Variants in NDST1 observed in about 807,000 individuals in gnomAD.
NDST1 encodes the protein N-deacetylase and N-sulfotransferase 1, also known as bifunctional heparan sulfate N-deacetylase/N-sulfotransferase 1.
In NDST1, 35 loss-of-function variants were observed where a neutral mutation model predicts 92.8. The observed-to-expected ratio is 0.38, with a 90% CI of 0.29 to 0.50. NDST1 has a LOEUF of 0.50. Ranked by LOEUF, NDST1 falls within the 20% of genes least tolerant of loss-of-function variation. The pLI is 0.94. For synonymous variants in NDST1, 493 were observed against 500.3 expected (o/e 0.99, Z 0.19); for missense variants, 822 against 1,182.7 (o/e 0.69, Z 4.47).
At chr5:150,539,076 T>G in intron 6 of NDST1, 152 bp from the exon 7 acceptor site, 1 of 657,316 alleles carries the variant, frequency 1.5e-6, no homozygotes, top group Non-Finnish European at 2.7e-6. Flanking sequence ...GGGAACGCTG[T>G]GCTGTAGGCT....
intron 6 of NDST1, 38 bp from the exon 7 acceptor site, chr5:150,539,190 G>A: frequency 1.3e-6 from 2 of 1,550,236 alleles, no homozygotes; most frequent in Non-Finnish European, 1.8e-6. Flanking sequence ...CCTCATGCCA[G>A]AAGGCACCAT....
Position 150,521,674 on chromosome 5 carries a change from C to T in NDST1, c.420C>T (p.Asn140=), listed in dbSNP as rs757947087. ...RGRFALIIYE[N]ILKYVNLDAW... ...GCTTCGCCCTCATCATCTATGAGAACATCCTCAAGTATGTCAACCTGGACG... is the reference window on the plus strand; with the variant it reads ...GCTTCGCCCTCATCATCTATGAGAATATCCTCAAGTATGTCAACCTGGACG... Residue 140 remains asparagine (N), a synonymous_variant, in exon 2 of 15, where the codon AAC becomes AAT. Coordinates refer to ENST00000261797, the MANE Select transcript of NDST1 (RefSeq NM_001543.5). This position sits in a 1 kb window ranked among gnomAD's most constrained non-coding sequence, Gnocchi z 5.9. 5 of 1,614,122 alleles carry T rather than the reference C, an allele frequency of 3.1e-6. No homozygotes were observed. The South Asian group carries it at 4.4e-5, about 14-fold the overall frequency.
rs189350287 is a variant in NDST1, at chr5:150,548,200, C to T, written c.2146-18C>T. 6.8e-6 allele frequency: 11 copies of T among 1,614,136 alleles called. No individual in the cohort carries two copies. In the African/African-American group the frequency reaches 1.2e-4, roughly 18 times the overall value. On this transcript the variant is annotated intron_variant, in intron 11 of 14. Transcript: ENST00000261797. ...GTGTCCTCCAAGTGGCATGCTGACCCTCTTTCCTTGCCTGCAGCACCAGCG... is the reference window on the plus strand; with the variant it reads ...GTGTCCTCCAAGTGGCATGCTGACCTTCTTTCCTTGCCTGCAGCACCAGCG...
chr5:150,551,656 C>G, intron 13 of NDST1, 97 bp from the exon 14 acceptor site: 1 of 1,474,216 alleles, frequency 6.8e-7, no homozygotes, highest in South Asian at 1.2e-5. Flanking sequence ...AGTAGATTCC[C>G]TGGTCTCTGC....
chr5:150,524,494 G>A (rs992451477), intron 2 of NDST1, among the ~76,000 whole-genome samples: 1 of 152,250 alleles, frequency 6.6e-6, no homozygotes, highest in Admixed American at 6.5e-5. Context: ...CACCCTGGCA[G>A]GGGTCTGGCA....
At chr5:150,512,065 C>T (rs528916635) in intron 1 of NDST1, among the ~76,000 whole-genome samples, 78 of 152,192 alleles carry the variant, frequency 5.1e-4, no homozygotes, top group South Asian at 3.3e-3. Context: ...GCCACTGCTA[C>T]GCCCTCCCCT....
At chr5:150,513,981 C>T (rs2151257289) in intron 1 of NDST1, among the ~76,000 whole-genome samples, 1 of 152,372 alleles carries the variant, frequency 6.6e-6, no homozygotes, top group South Asian at 2.1e-4. Context: ...ATCCTCAGCA[C>T]CTTGGCAGGG....
In NDST1 at chr5:150,535,780, C is replaced by T. The variant is rs369195455; in HGVS notation, c.1332C>T (p.Tyr444=). 113 of 1,614,178 alleles carry T rather than the reference C, an allele frequency of 7.0e-5. No homozygotes were observed. The African/African-American group carries it at 8.9e-4, about 13-fold the overall frequency. ...TGTACCCCGTGCACGTGCAGCTGTA[C>T]GAGGCTTGGAAGCAGGTGTGGAGCA... ...SGVYPVHVQL[Y]EAWKQVWSIR... Residue 444 remains tyrosine, a synonymous_variant, in exon 6 of 15, where the codon TAC becomes TAT. Transcript: ENST00000261797.
In NDST1 at chr5:150,549,656, G is replaced by A. The variant is rs201360742; in HGVS notation, c.2317-22G>A. 4.8e-4 allele frequency: 739 copies of A among 1,524,824 alleles called. 3 individuals are homozygous for A. The highest frequency in any genetic ancestry group is 2.8e-3 in the Admixed American group (165 of 59,610). The allele number at this position is 1,524,824 out of a possible 1,614,324, so 94.5% of individuals were successfully genotyped here. On this transcript the variant is annotated intron_variant, in intron 12 of 14. Transcript: ENST00000261797. ...TGCCACCGAAGTCAAAGCAGGTCCC[G>A]ATCCCCTTTCTCCCTTTCCAGATTC...
At position 150,527,909 on chromosome 5, in the gene NDST1, C is replaced by T; in HGVS notation, c.619C>T (p.Leu207Phe). The change falls in exon 3 of 15, where the codon CTC becomes TTC. Residue 207 changes from leucine (L) to phenylalanine (F), a missense_variant. Transcript: ENST00000261797. ...DCSINPKSPL[L>F]YVTRPSEVEK... is the part of the protein sequence containing the mutation. The stretch of plus-strand genomic sequence containing the variant: ...CAGCATCAACCCCAAGTCCCCGCTG[C>T]TCTACGTGACGCGACCTAGCGAGGT... The T allele has an allele frequency of 6.2e-7, 1 of 1,614,226 alleles. No homozygotes were observed. Among genetic ancestry groups the T allele is most frequent in the Non-Finnish European group, 8.5e-7 (1 of 1,180,038 alleles).
chr5:150,507,137 C>G (rs1419536233), upstream of NDST1, among the ~76,000 whole-genome samples: 1 of 152,222 alleles, frequency 6.6e-6, no homozygotes, highest in Non-Finnish European at 1.5e-5. Flanking sequence ...GCCAAAGCTG[C>G]TAATCCCTGG....
At chr5:150,539,993 T>C (rs1162231503) in intron 7 of NDST1, 89 bp from the exon 8 acceptor site, 30 of 1,516,190 alleles carry the variant, frequency 2.0e-5, no homozygotes, top group Admixed American at 3.5e-5. Context: ...CCTTGCAAGC[T>C]AAGGCAGGGT....
At chr5:150,544,731 T>C (rs1050555545) in intron 10 of NDST1, among the ~76,000 whole-genome samples, 2 of 152,222 alleles carry the variant, frequency 1.3e-5, no homozygotes, top group African/African-American at 4.8e-5. Flanking sequence ...GCCATTGCTC[T>C]GGTGGGATAT....
At chr5:150,545,953 C>A (rs1755458644) in intron 11 of NDST1, among the ~76,000 whole-genome samples, 1 of 150,968 alleles carries the variant, frequency 6.6e-6, no homozygotes, top group African/African-American at 2.4e-5. Flanking sequence ...GGGTGTGGAT[C>A]CAAGCCCCTA....
chr5:150,508,327 G>GTA (rs1192617148), intron 1 of NDST1, 101 bp downstream of exon 1: 1 of 110,514 alleles, frequency 9.0e-6, no homozygotes, highest in African/African-American at 2.8e-5. Flanking sequence ...ATCTGAGTGT[G>GTA]TGTGTGTGTG....
At chr5:150,535,953 C>T (rs186784900) in intron 6 of NDST1, 68 bp downstream of exon 6, 1,320 of 1,532,138 alleles carry the variant, frequency 8.6e-4, no homozygotes, top group Non-Finnish European at 9.5e-4. Context: ...TGTGTGCATA[C>T]GCTGTCCTGG....
Position 150,508,322 on chromosome 5 carries a change from AGT to A in NDST1, c.-388+125_-388+126del, listed in dbSNP as rs56201209. 9.7e-3 allele frequency: 1,412 copies of A among 145,974 alleles called. 23 individuals carry two copies. The highest frequency in any genetic ancestry group is 0.055 in the East Asian group (265 of 4,788). The allele number at this position is 145,974 out of a possible 1,614,324, so 9.0% of individuals were successfully genotyped here. A position where few individuals can be genotyped will look rare whatever the true frequency, so the allele number is the denominator to read the frequency against. On this transcript the variant is annotated intron_variant, in intron 1 of 14. Transcript: ENST00000261797. ...TGTCCAGTCCTTCCAGGTCCATCTG[AGT>A]GTGTGTGTGTGTGTGTGTGTGTGTG...
At chr5:150,512,406 C>T (rs959507740) in intron 1 of NDST1, among the ~76,000 whole-genome samples, 2 of 152,216 alleles carry the variant, frequency 1.3e-5, no homozygotes, top group African/African-American at 4.8e-5. Context: ...CCTTGGGTTC[C>T]AGAGACCTCT....
chr5:150,510,140 C>T (rs532667366), intron 1 of NDST1, among the ~76,000 whole-genome samples: 98 of 152,324 alleles, frequency 6.4e-4, no homozygotes, highest in African/African-American at 2.3e-3. Context: ...CCTCTCTGAG[C>T]CTCCATTTCC....
Sources: allele counts gnomAD v4.1 joint callset (sites outside exome capture counted in the v4.1 genomes callset), GRCh38; gene constraint gnomAD v4.1.1; non-coding constraint Gnocchi (gnomAD v3.1); transcripts MANE v1.5; gene names NCBI Gene and HGNC (gene_info 2026-07-23, HGNC 2026-07-21).